DCDC2: variants seen among roughly 807,000 people sequenced by gnomAD.
DCDC2 encodes the protein doublecortin domain-containing protein 2.
Under a neutral mutation model 50.2 loss-of-function variants are expected in DCDC2, and 40 were observed. That is an observed-to-expected ratio of 0.80 (90% confidence interval 0.62 to 1.04). The LOEUF (loss-of-function observed/expected upper bound fraction) is 1.04, where lower values mean the gene tolerates loss of function less well. DCDC2 is among the 50% of genes least tolerant of loss of function. DCDC2 has a pLI of 0.00. For synonymous variants in DCDC2, 234 were observed against 210.6 expected (o/e 1.11, Z -0.96); for missense variants, 570 against 581.9 (o/e 0.98, Z 0.21).
intron 7 of DCDC2, among the ~76,000 whole-genome samples, chr6:24,215,798 C>T: frequency 6.6e-6 from 1 of 152,198 alleles, no homozygotes; most frequent in Non-Finnish European, 1.5e-5. Context: ...GGTGGAATCT[C>T]AGCACTGCTC....
chr6:24,294,844 A>G (rs1364437461), intron 4 of DCDC2, among the ~76,000 whole-genome samples: 1 of 152,132 alleles, frequency 6.6e-6, no homozygotes, highest in Admixed American at 6.5e-5. Flanking sequence ...CTACCGATCA[A>G]AAAAAGCCTC....
At chr6:24,377,443 C>T in the DCDC2 span, among the ~76,000 whole-genome samples, 161 of 152,222 alleles carry the variant, frequency 1.1e-3, no homozygotes, top group African/African-American at 3.7e-3. Flanking sequence ...CTATTTAAGC[C>T]TTTTAACTAA....
rs538858459 is a variant in DCDC2, at chr6:24,337,112, C to T, written c.348+16457G>A. ...GCTTAGTAACTTGGTAAATGTTACT[C>T]GAAACATCTGGAAAAAACAGCTAAA... On this transcript the variant is annotated intron_variant, in intron 2 of 9. Transcript: ENST00000378454. Among the ~76,000 whole-genome samples, 21 of 152,014 alleles carry T rather than the reference C, an allele frequency of 1.4e-4. No individual in the cohort carries two copies. In the East Asian group the frequency reaches 2.5e-3, roughly 18 times the overall value.
chr6:24,203,431 A>T (rs1761632432), intron 8 of DCDC2, among the ~76,000 whole-genome samples: 1 of 152,252 alleles, frequency 6.6e-6, no homozygotes, highest in South Asian at 2.1e-4. Context: ...CTGGCTAGCC[A>T]CATGCAGAAA....
At chr6:24,321,998 C>A (rs1749007015) in intron 2 of DCDC2, among the ~76,000 whole-genome samples, 1 of 152,124 alleles carries the variant, frequency 6.6e-6, no homozygotes, top group African/African-American at 2.4e-5. Flanking sequence ...GGTAAGATTT[C>A]TTTTTGTCTT....
At chr6:24,312,723 C>T (rs896689353) in intron 2 of DCDC2, among the ~76,000 whole-genome samples, 1 of 152,106 alleles carries the variant, frequency 6.6e-6, no homozygotes, top group Admixed American at 6.6e-5. Flanking sequence ...TATTTTCCTC[C>T]CAATAATGGA....
At chr6:24,378,173 A>C in the DCDC2 span, among the ~76,000 whole-genome samples, 12 of 152,164 alleles carry the variant, frequency 7.9e-5, no homozygotes, top group Non-Finnish European at 1.5e-5. Context: ...AAGAAAAAGG[A>C]CCCTGCCTGG....
At chr6:24,218,301 A>G (rs1762023628) in intron 7 of DCDC2, among the ~76,000 whole-genome samples, 2 of 152,224 alleles carry the variant, frequency 1.3e-5, no homozygotes, top group African/African-American at 4.8e-5. Context: ...TTCAAAATAG[A>G]TCAAAACAAA....
intron 6 of DCDC2, among the ~76,000 whole-genome samples, chr6:24,287,252 G>A (rs1385116962): frequency 1.3e-5 from 2 of 152,212 alleles, no homozygotes; most frequent in African/African-American, 2.4e-5. Flanking sequence ...CCCGGGGCTC[G>A]GGAGCAGGAG....
chr6:24,185,249 T>A (rs888382747), intron 8 of DCDC2, among the ~76,000 whole-genome samples: 2 of 152,196 alleles, frequency 1.3e-5, no homozygotes, highest in Admixed American at 1.3e-4. Flanking sequence ...TGTCTCATAG[T>A]CATTATTACC....
At chr6:24,250,486 T>C (rs1409081435) in intron 7 of DCDC2, among the ~76,000 whole-genome samples, 1 of 152,228 alleles carries the variant, frequency 6.6e-6, no homozygotes, top group Non-Finnish European at 1.5e-5. Flanking sequence ...CTTATGGCAA[T>C]GAAAAATATG....
intron 7 of DCDC2, among the ~76,000 whole-genome samples, chr6:24,230,677 G>A (rs72830818): frequency 0.036 from 5,447 of 152,108 alleles, 134 homozygotes; most frequent in Non-Finnish European, 0.055. Context: ...ACAAAAACTC[G>A]AAAAGCTTGA....
intron 7 of DCDC2, among the ~76,000 whole-genome samples, chr6:24,269,582 T>C (rs1292641592): frequency 1.3e-5 from 2 of 152,136 alleles, no homozygotes; most frequent in Non-Finnish European, 2.9e-5. Flanking sequence ...CAATAAATGT[T>C]CACTGAAAAA....
intron 7 of DCDC2, among the ~76,000 whole-genome samples, chr6:24,234,997 T>A (rs750693917): frequency 9.2e-5 from 14 of 152,150 alleles, no homozygotes; most frequent in Non-Finnish European, 1.8e-4. Context: ...GAAATATGGA[T>A]GAACAAAATT....
At chr6:24,340,665 C>T (rs981170870) in intron 2 of DCDC2, among the ~76,000 whole-genome samples, 1 of 152,068 alleles carries the variant, frequency 6.6e-6, no homozygotes, top group South Asian at 2.1e-4. Flanking sequence ...GGAGTTTTAT[C>T]ACTTAGAATA....
intron 2 of DCDC2, among the ~76,000 whole-genome samples, chr6:24,308,456 T>G (rs1759513304): frequency 6.6e-6 from 1 of 152,150 alleles, no homozygotes; most frequent in African/African-American, 2.4e-5. Context: ...GGGACATGCT[T>G]TTTCCTGGGG....
chr6:24,360,030 C>T (rs1760638686), upstream of DCDC2, among the ~76,000 whole-genome samples: 1 of 152,210 alleles, frequency 6.6e-6, no homozygotes, highest in African/African-American at 2.4e-5. Context: ...GGCGGTGCGG[C>T]TCGGGTGGCA....
chr6:24,199,648 G>A (rs994190094), intron 8 of DCDC2, among the ~76,000 whole-genome samples: 38 of 152,294 alleles, frequency 2.5e-4, no homozygotes, highest in African/African-American at 7.9e-4. Flanking sequence ...GAACAAAACT[G>A]GATGGAGAAT....
chr6:24,337,655 G>C (rs538822156), intron 2 of DCDC2, among the ~76,000 whole-genome samples: 1 of 151,992 alleles, frequency 6.6e-6, no homozygotes, highest in Non-Finnish European at 1.5e-5. Flanking sequence ...AAAATTAGCT[G>C]GGTGTGGTGA....
Sources: gnomAD v4.1 joint callset for allele counts (sites outside exome capture counted in the v4.1 genomes callset) on GRCh38, gnomAD v4.1.1 for gene constraint, MANE v1.5 for transcripts, NCBI Gene and HGNC (gene_info 2026-07-23, HGNC 2026-07-21) for gene names.